Variants in RASGRP3 observed in about 807,000 individuals in gnomAD.
RASGRP3 encodes RAS guanyl releasing protein 3, also known as ras guanyl-releasing protein 3.
In RASGRP3, 54 loss-of-function variants were observed where a neutral mutation model predicts 82.7. The observed-to-expected ratio is 0.65, with a 90% CI of 0.52 to 0.82. The LOEUF (loss-of-function observed/expected upper bound fraction) is 0.82, where lower values mean the gene tolerates loss of function less well. Among genes scored for constraint, RASGRP3 ranks in the 40% least tolerant of loss-of-function variants. The pLI is 0.00. For synonymous variants in RASGRP3, 309 were observed against 300.5 expected, an observed-to-expected ratio of 1.03 and a Z score of -0.29; for missense variants, 861 against 828.9, an observed-to-expected ratio of 1.04 and a Z score of -0.48.
At chr2:33,501,219 C>T (rs557048231) in intron 1 of RASGRP3, among the ~76,000 whole-genome samples, 2 of 152,244 alleles carry the variant, frequency 1.3e-5, no homozygotes, top group South Asian at 4.1e-4. Context: ...ATAACATTTT[C>T]AAGGTTTATC....
intron 1 of RASGRP3, among the ~76,000 whole-genome samples, chr2:33,445,105 T>A (rs546922691): frequency 6.6e-6 from 1 of 152,336 alleles, no homozygotes; most frequent in African/African-American, 2.4e-5. Flanking sequence ...ATAGGAAGTA[T>A]GCTATAATAA....
chr2:33,473,157 T>C (rs149610941), upstream of RASGRP3, among the ~76,000 whole-genome samples: 1,612 of 152,242 alleles, frequency 0.011, 29 homozygotes, highest in African/African-American at 0.037. Context: ...GGTCAGGAGA[T>C]GGAGACCATC....
In RASGRP3 at chr2:33,514,615, G is replaced by T. The variant is rs544636225; in HGVS notation, c.-127-395G>T. On this transcript the variant is annotated intron_variant, in intron 2 of 17. Coordinates refer to ENST00000403687, the MANE Select transcript of RASGRP3 (RefSeq NM_001139488.2). ...TGGGAGAATTGCTTGAACCCGGGAG[G>T]TCGAGGCTGCTGTGAGCCGAGATCG... Among the ~76,000 whole-genome samples, 34 of 151,812 alleles carry T rather than the reference G, an allele frequency of 2.2e-4. No individual in the cohort carries two copies. The East Asian group carries it at 6.4e-3, about 28-fold the overall frequency.
chr2:33,537,485 A>G (rs1201984898), intron 11 of RASGRP3, among the ~76,000 whole-genome samples: 2 of 151,864 alleles, frequency 1.3e-5, no homozygotes, highest in Non-Finnish European at 2.9e-5. Context: ...CAGCCTCCCA[A>G]GTAGCTTGGA....
chr2:33,525,808 T>G (rs547938059), intron 9 of RASGRP3, among the ~76,000 whole-genome samples: 6 of 151,356 alleles, frequency 4.0e-5, no homozygotes, highest in Non-Finnish European at 8.8e-5. Context: ...GCCCAGGAGT[T>G]TGAGGCTGCA....
intron 1 of RASGRP3, among the ~76,000 whole-genome samples, chr2:33,494,034 A>G (rs1669089663): frequency 1.3e-5 from 2 of 152,216 alleles, no homozygotes; most frequent in African/African-American, 4.8e-5. Context: ...TGGATTCTAT[A>G]GAAGCTCACT....
intron 1 of RASGRP3, among the ~76,000 whole-genome samples, chr2:33,439,366 G>A (rs567812220): frequency 1.1e-4 from 16 of 152,234 alleles, no homozygotes; most frequent in East Asian, 3.9e-4. Flanking sequence ...CTTGGTAAGC[G>A]GGAGGAGAGC....
chr2:33,555,389 G>A, intron 14 of RASGRP3, 142 bp from the exon 15 acceptor site: 1 of 560,766 alleles, frequency 1.8e-6, no homozygotes, highest in Non-Finnish European at 3.1e-6. Context: ...TCTTCTATCT[G>A]GCAGGAAGGG....
At chr2:33,503,385 G>C (rs1401375683) in intron 1 of RASGRP3, among the ~76,000 whole-genome samples, 1 of 152,128 alleles carries the variant, frequency 6.6e-6, no homozygotes, top group Non-Finnish European at 1.5e-5. Context: ...TCAGGAGTAA[G>C]GTGAAATTAG....
chr2:33,487,191 C>G (rs1017401677), intron 1 of RASGRP3, among the ~76,000 whole-genome samples: 1 of 152,088 alleles, frequency 6.6e-6, no homozygotes, highest in Non-Finnish European at 1.5e-5. Flanking sequence ...CAACGTCATT[C>G]AGACATGCAA....
At chr2:33,552,964 C>G (rs1347634389) in intron 14 of RASGRP3, among the ~76,000 whole-genome samples, 3 of 152,194 alleles carry the variant, frequency 2.0e-5, no homozygotes, top group African/African-American at 7.2e-5. Flanking sequence ...CACATGAGTT[C>G]ATCCTCTACT....
chr2:33,525,718 A>C (rs1483287309), intron 9 of RASGRP3, among the ~76,000 whole-genome samples: 4 of 149,602 alleles, frequency 2.7e-5, no homozygotes, highest in Non-Finnish European at 5.9e-5. Flanking sequence ...AAAAAAAAAA[A>C]AAAAAAAAAC....
At chr2:33,559,652 G>A in intron 17 of RASGRP3, 1 of 518,370 alleles carries the variant, frequency 1.9e-6, no homozygotes, top group Non-Finnish European at 3.9e-6. Context: ...AAATTTATTA[G>A]TTAACAGTCT....
intron 1 of RASGRP3, among the ~76,000 whole-genome samples, chr2:33,499,453 A>T (rs887496056): frequency 1.3e-4 from 20 of 151,866 alleles, no homozygotes; most frequent in Non-Finnish European, 1.5e-5. Context: ...CAGCTACTCG[A>T]AAGGTGAGGT....
rs1214650180 is a variant in RASGRP3, at chr2:33,519,944, T to C, written c.174-8T>C. ...GGTGCAAGGATTTTTTTTCTTTAAC[T>C]GGTTTACGTATCGAAATGCCACTGG... is the stretch of plus-strand genomic sequence containing the variant. On this transcript the variant is annotated splice_polypyrimidine_tract_variant and splice_region_variant and intron_variant, in intron 4 of 17. Coordinates refer to ENST00000403687, the MANE Select transcript of RASGRP3 (RefSeq NM_001139488.2). 1 of 1,605,544 alleles carries C rather than the reference T, an allele frequency of 6.2e-7. No individual in the cohort carries two copies. The highest frequency in any genetic ancestry group is 8.5e-7 in the Non-Finnish European group (1 of 1,175,634).
chr2:33,502,594 C>T (rs1026657930), intron 1 of RASGRP3, among the ~76,000 whole-genome samples: 5 of 150,740 alleles, frequency 3.3e-5, no homozygotes, highest in Non-Finnish European at 7.4e-5. Flanking sequence ...CTCACTACAA[C>T]CTCCGCCTCC....
chr2:33,520,607 T>C lies in RASGRP3; in HGVS notation c.291T>C (p.Arg97=), dbSNP rs1671933471. The change falls in exon 6 of 18, where the codon CGT becomes CGC. Residue 97 remains arginine (R), a synonymous_variant. Coordinates refer to ENST00000403687, the MANE Select transcript of RASGRP3 (RefSeq NM_001139488.2). ...TTAATTTGGATCTTGGTTTGATTCG[T>C]ATGACTGAGGAATTTCGGGAAGTAG... The part of the protein sequence containing the change: ...AEFNLDLGLI[R]MTEEFREVAS... 1 of 1,614,024 alleles carries C rather than the reference T, an allele frequency of 6.2e-7. No homozygotes were observed. The highest frequency in any genetic ancestry group is 1.3e-5 in the African/African-American group (1 of 75,052).
chr2:33,544,207 G>A (rs1453285292), intron 13 of RASGRP3, among the ~76,000 whole-genome samples: 2 of 152,138 alleles, frequency 1.3e-5, no homozygotes, highest in Non-Finnish European at 2.9e-5. Context: ...CCAGCTACTT[G>A]GGTGGCTGAG....
At chr2:33,496,685 GTC>G (rs1669346736) in intron 1 of RASGRP3, among the ~76,000 whole-genome samples, 1 of 152,136 alleles carries the variant, frequency 6.6e-6, no homozygotes, top group Non-Finnish European at 1.5e-5. Flanking sequence ...GTGAAATCCT[GTC>G]TCTACCAAAA....
Sources: gnomAD v4.1 joint callset for allele counts (sites outside exome capture counted in the v4.1 genomes callset) on GRCh38, gnomAD v4.1.1 for gene constraint, MANE v1.5 for transcripts, NCBI Gene and HGNC (gene_info 2026-07-23, HGNC 2026-07-21) for gene names.